The following ATXN2 variants were observed in gnomAD, a reference collection of about 807,000 sequenced individuals.
ATXN2 encodes the protein ataxin-2.
In ATXN2, 37 loss-of-function variants were observed where a neutral mutation model predicts 138.6. The ratio of observed to expected loss-of-function variants is 0.27; its 90% CI spans 0.21 to 0.35. The LOEUF is 0.35. Among genes scored for constraint, ATXN2 ranks in the 10% least tolerant of loss-of-function variants. The pLI, the probability that ATXN2 is intolerant of heterozygous loss-of-function variation, is 1.00. For synonymous variants in ATXN2, 549 were observed against 543.7 expected, an observed-to-expected ratio of 1.01 and a Z score of -0.13; for missense variants, 1,216 against 1,480.3, an observed-to-expected ratio of 0.82 and a Z score of 2.93.
intron 18 of ATXN2, chr12:111,471,151 A>T (rs1876388165): frequency 1.5e-5 from 3 of 194,912 alleles, no homozygotes; most frequent in African/African-American, 6.8e-5. Flanking sequence ...GAGCCAAAAC[A>T]GATCCAACAC....
intron 18 of ATXN2, among the ~76,000 whole-genome samples, chr12:111,478,248 AAT>A (rs1485973962): frequency 1.3e-5 from 2 of 152,112 alleles, no homozygotes; most frequent in Non-Finnish European, 2.9e-5. Context: ...CTACACTAAA[AAT>A]ACAAAATTAG....
chr12:111,529,160 T>C (rs1880667988), intron 5 of ATXN2, among the ~76,000 whole-genome samples: 1 of 151,682 alleles, frequency 6.6e-6, no homozygotes. Flanking sequence ...TGGTAGTAAA[T>C]AGTACAATGT....
intron 1 of ATXN2, among the ~76,000 whole-genome samples, chr12:111,585,439 G>A (rs1291774196): frequency 4.0e-5 from 6 of 151,728 alleles, no homozygotes; most frequent in Admixed American, 4.0e-4. Context: ...CTAGAAGCTG[G>A]GAGGCAGAGG....
chr12:111,589,546 T>C (rs1239979445), intron 1 of ATXN2, among the ~76,000 whole-genome samples: 1 of 151,252 alleles, frequency 6.6e-6, no homozygotes, highest in Non-Finnish European at 1.5e-5. Context: ...CCAAGGTATA[T>C]GGATCACCTG....
At chr12:111,580,352 T>G (rs1015529205) in intron 1 of ATXN2, among the ~76,000 whole-genome samples, 2 of 151,526 alleles carry the variant, frequency 1.3e-5, no homozygotes, top group African/African-American at 4.8e-5. Flanking sequence ...TAGCCGGACA[T>G]GGTGGTACAC....
Position 111,509,911 on chromosome 12 carries a change from A to C in ATXN2, c.1844T>G (p.Phe615Cys). 3.1e-6 allele frequency: 5 copies of C among 1,612,070 alleles called. No homozygotes were observed. The highest frequency in any genetic ancestry group is 4.2e-6 in the Non-Finnish European group (5 of 1,178,596). The stretch of plus-strand genomic sequence containing the variant: ...CTAACCTTTGTTTTCAGCTTTTGAG[A>C]AGCTAGGTGATGTTTCATTGGGTTT... ...NIKPNETSPS[F>C]SKAENKGISP... is the part of the protein sequence containing the mutation. The change falls in exon 13 of 25, where the codon TTC becomes TGC. Residue 615 changes from phenylalanine to cysteine, a missense_variant. By Grantham distance (205) the Phe-to-Cys change is radical. Around this residue, in one of 4 missense-constraint regions of ATXN2, gnomAD observed 215 missense variants for 210.0 expected, o/e 1.02. Transcript: ENST00000673436.
At chr12:111,502,012 C>T (rs1384493080) in intron 14 of ATXN2, among the ~76,000 whole-genome samples, 2 of 152,186 alleles carry the variant, frequency 1.3e-5, no homozygotes, top group Non-Finnish European at 2.9e-5. Context: ...CCACCTCAGC[C>T]TCCTGAGTAG....
intron 14 of ATXN2, among the ~76,000 whole-genome samples, chr12:111,501,545 T>C (rs1878762777): frequency 6.6e-6 from 1 of 152,198 alleles, no homozygotes; most frequent in Non-Finnish European, 1.5e-5. Context: ...TTACCAAGGC[T>C]CTTGGTGTCA....
chr12:111,507,869 C>T (rs888136381), intron 14 of ATXN2, among the ~76,000 whole-genome samples: 3 of 152,228 alleles, frequency 2.0e-5, no homozygotes, highest in Non-Finnish European at 4.4e-5. Context: ...ACCCCCAACC[C>T]TGTGCTCTCT....
In ATXN2 at chr12:111,480,144, C is replaced by T. The variant is rs552018168; in HGVS notation, c.2524+5121G>A. Among the ~76,000 whole-genome samples, 32 of 151,878 alleles carry T rather than the reference C, an allele frequency of 2.1e-4. No homozygotes were observed. In the East Asian group the frequency reaches 5.4e-3, roughly 26 times the overall value. ...AGTACAGTTGGACAGAGAAGAGGAA[C>T]AGGCACAATGTTTTCCATCTTCACT... On this transcript the variant is annotated intron_variant, in intron 18 of 24. Transcript: ENST00000673436.
rs1176774774 is a variant in ATXN2 at position 111,552,859 on chromosome 12, A to C, written c.420+47T>G. The C allele has an allele frequency of 7.6e-7, 1 of 1,317,596 alleles. No homozygotes were observed. Among genetic ancestry groups the C allele is most frequent in the Non-Finnish European group, 1.0e-6 (1 of 957,788 alleles). The allele number at this position is 1,317,596 out of a possible 1,614,324, so 81.6% of individuals were successfully genotyped here. Reference sequence around the variant, plus strand: ...AAAACTAGGTAAAACACTGACTATGAAAATGTTCTTTTACTTTGTAAGAAA... The same window carrying C: ...AAAACTAGGTAAAACACTGACTATGCAAATGTTCTTTTACTTTGTAAGAAA... On this transcript the variant is annotated intron_variant, in intron 4 of 24. Coordinates refer to ENST00000673436, the MANE Select transcript of ATXN2 (RefSeq NM_001372574.1). The surrounding 1 kb of genome is among the most constrained non-coding windows in gnomAD (Gnocchi z 4.1).
intron 1 of ATXN2, chr12:111,581,234 C>T (rs1423974169): frequency 3.0e-6 from 1 of 328,358 alleles, no homozygotes; most frequent in Non-Finnish European, 5.7e-6. Context: ...GTAAATAACC[C>T]TCTTGGTCTC....
chr12:111,537,997 G>C (rs1411055506), intron 5 of ATXN2, among the ~76,000 whole-genome samples: 1 of 151,908 alleles, frequency 6.6e-6, no homozygotes, highest in Non-Finnish European at 1.5e-5. Context: ...TTAATCAGGA[G>C]GCTAAGGTGA....
intron 1 of ATXN2, among the ~76,000 whole-genome samples, chr12:111,564,100 A>T (rs1490174159): frequency 6.6e-6 from 1 of 152,218 alleles, no homozygotes; most frequent in East Asian, 1.9e-4. Context: ...AGAAGCACAT[A>T]GATATAGCCC....
At chr12:111,591,619 G>A (rs1037155559) in intron 1 of ATXN2, among the ~76,000 whole-genome samples, 1 of 151,314 alleles carries the variant, frequency 6.6e-6, no homozygotes, top group Non-Finnish European at 1.5e-5. Context: ...CAGCCTGGGT[G>A]ACAGAGGGAG....
chr12:111,501,634 A>C (rs773085642), intron 14 of ATXN2, among the ~76,000 whole-genome samples: 2 of 152,236 alleles, frequency 1.3e-5, no homozygotes, highest in Non-Finnish European at 2.9e-5. Flanking sequence ...CAAGTGGCTA[A>C]GGGCAAATGT....
At chr12:111,514,058 C>G (rs563526939) in intron 10 of ATXN2, among the ~76,000 whole-genome samples, 1 of 152,064 alleles carries the variant, frequency 6.6e-6, no homozygotes, top group Admixed American at 6.6e-5. Flanking sequence ...TATGTACATA[C>G]CCTTCTTAAA....
intron 1 of ATXN2, among the ~76,000 whole-genome samples, chr12:111,584,377 C>CAAAAAAAAAAAAAAAA (rs58678794): frequency 1.6e-4 from 7 of 44,746 alleles, no homozygotes; most frequent in African/African-American, 2.9e-4. Context: ...GACCCTGTCT[C>CAAAAAAAAAAAAAAAA]AAAAAAAAAA....
Position 111,452,528 on chromosome 12 carries a change from AAAAT to A in ATXN2, c.*280_*283del, listed in dbSNP as rs1464418350. ...GTTCATGACTTTCAAGGGTTATTAA[AAAAT>A]AAATAACTTCCAGTTTCGGCAAGCA... On this transcript the variant is annotated 3_prime_UTR_variant, in exon 25 of 25. Transcript: ENST00000673436. 4 of 354,762 alleles carry A rather than the reference AAAAT, an allele frequency of 1.1e-5. No homozygotes were observed. Among genetic ancestry groups the A allele is most frequent in the South Asian group, 5.3e-5 (1 of 18,858 alleles). The allele number at this position is 354,762 out of a possible 1,614,324, so 22.0% of individuals were successfully genotyped here. A position where few individuals can be genotyped will look rare whatever the true frequency, so the allele number is the denominator to read the frequency against.
Sources: gnomAD v4.1 joint callset for allele counts (sites outside exome capture counted in the v4.1 genomes callset) on GRCh38, gnomAD v4.1.1 for gene constraint, gnomAD v4.1.1 regional missense constraint, Gnocchi (gnomAD v3.1) non-coding constraint, MANE v1.5 for transcripts, NCBI Gene and HGNC (gene_info 2026-07-23, HGNC 2026-07-21) for gene names.